COG5: variants seen among roughly 807,000 people sequenced by gnomAD.
COG5 encodes component of oligomeric golgi complex 5.
A neutral mutation model predicts 110.4 loss-of-function variants in COG5; 86 were observed. The ratio of observed to expected loss-of-function variants is 0.78; its 90% CI spans 0.65 to 0.93. The LOEUF is 0.93. Among genes scored for constraint, COG5 ranks in the 40% least tolerant of loss-of-function variants. The probability of loss-of-function intolerance (pLI) is 0.00; values close to 1 mark genes in which losing one functional copy is unlikely to be tolerated. For synonymous variants in COG5, 360 were observed against 334.6 expected, an observed-to-expected ratio of 1.08 and a Z score of -0.83; for missense variants, 1,077 against 987.0, an observed-to-expected ratio of 1.09 and a Z score of -1.22.
At chr7:107,248,315 C>T in intron 17 of COG5, 81 bp downstream of exon 17, 1 of 895,260 alleles carries the variant, frequency 1.1e-6, no homozygotes, top group Non-Finnish European at 1.9e-6. Flanking sequence ...GGCAGGGGGG[C>T]AGCTTAGGGA....
intron 8 of COG5, among the ~76,000 whole-genome samples, chr7:107,364,093 T>C (rs1008612860): frequency 3.3e-5 from 5 of 152,210 alleles, no homozygotes; most frequent in African/African-American, 1.2e-4. Context: ...AATGAAGTGA[T>C]CTAATTTAGC....
At chr7:107,471,208 T>C (rs951044036) in intron 6 of COG5, among the ~76,000 whole-genome samples, 1 of 152,084 alleles carries the variant, frequency 6.6e-6, no homozygotes. Context: ...AAAAGACTTA[T>C]TTAAAGAAAC....
At chr7:107,295,106 T>A (rs1450150256) in intron 12 of COG5, among the ~76,000 whole-genome samples, 222 of 74,316 alleles carry the variant, frequency 3.0e-3, no homozygotes, top group Middle Eastern at 7.7e-3. Flanking sequence ...TATATATTTT[T>A]TTTTTTTTTT....
Position 107,283,441 on chromosome 7 carries a change from A to C in COG5, c.1475+130T>G, listed in dbSNP as rs1049463949. On this transcript the variant is annotated intron_variant, in intron 13 of 21. Transcript: ENST00000297135. ...CTATGTGTGCACTCATTTACTATAAAATTCTTAATTTAATTGTGGGCCTAA... is the reference window on the plus strand; with the variant it reads ...CTATGTGTGCACTCATTTACTATAACATTCTTAATTTAATTGTGGGCCTAA... 2.5e-5 allele frequency: 19 copies of C among 756,534 alleles called. No individual in the cohort carries two copies. The African/African-American group carries it at 3.4e-4, about 13-fold the overall frequency. 46.9% of individuals were successfully genotyped at this position (756,534 alleles called of 1,614,324 possible).
At chr7:107,501,319 A>G (rs1798616751) in intron 6 of COG5, among the ~76,000 whole-genome samples, 1 of 152,110 alleles carries the variant, frequency 6.6e-6, no homozygotes, top group Middle Eastern at 3.2e-3. Context: ...GAACCAAGAA[A>G]TAAAAAACTT....
At chr7:107,301,852 T>A (rs1266457291) in intron 11 of COG5, among the ~76,000 whole-genome samples, 1 of 151,868 alleles carries the variant, frequency 6.6e-6, no homozygotes, top group Non-Finnish European at 1.5e-5. Context: ...CTGGGCAACA[T>A]AGTGAGACTC....
chr7:107,295,064 C>CATATATATAT (rs1806588618), intron 12 of COG5, among the ~76,000 whole-genome samples: 2 of 54,384 alleles, frequency 3.7e-5, no homozygotes, highest in African/African-American at 2.6e-4. Flanking sequence ...CACACACACA[C>CATATATATAT]ACATATATAT....
intron 21 of COG5, chr7:107,207,932 C>G: frequency 1.0e-6 from 1 of 985,380 alleles, no homozygotes; most frequent in East Asian, 1.1e-4. Context: ...ACATATTATG[C>G]TGGGAGGAAC....
At chr7:107,492,547 TGG>T (rs113154791) in intron 6 of COG5, among the ~76,000 whole-genome samples, 4 of 152,148 alleles carry the variant, frequency 2.6e-5, no homozygotes, top group African/African-American at 9.7e-5. Flanking sequence ...CTTATGGTTG[TGG>T]AACTGAGGAC....
At chr7:107,464,356 A>G (rs919835266) in intron 6 of COG5, among the ~76,000 whole-genome samples, 1 of 151,942 alleles carries the variant, frequency 6.6e-6, no homozygotes, top group African/African-American at 2.4e-5. Context: ...TATAATAATA[A>G]TTTTTCCTCC....
intron 1 of COG5, chr7:107,563,544 T>TTGG (rs1491330616): frequency 3.1e-5 from 8 of 256,394 alleles, no homozygotes; most frequent in East Asian, 7.3e-5. Context: ...GCTGGAGGCA[T>TTGG]GGGGGGGGGG....
intron 6 of COG5, among the ~76,000 whole-genome samples, chr7:107,424,295 A>G (rs1386940327): frequency 1.3e-5 from 2 of 152,002 alleles, no homozygotes; most frequent in Non-Finnish European, 1.5e-5. Flanking sequence ...AAATAAATAA[A>G]AAATGTAGGT....
chr7:107,352,731 C>T (rs967183605), intron 10 of COG5, among the ~76,000 whole-genome samples: 2 of 142,486 alleles, frequency 1.4e-5, no homozygotes, highest in Non-Finnish European at 1.6e-5. Context: ...TTCATAGTTA[C>T]GATTCTCATT....
At chr7:107,315,760 A>G (rs1324803049) in intron 11 of COG5, among the ~76,000 whole-genome samples, 1 of 152,204 alleles carries the variant, frequency 6.6e-6, no homozygotes, top group Non-Finnish European at 1.5e-5. Context: ...GAAGTACTAC[A>G]GTACACTTCA....
At chr7:107,207,477 G>T (rs1190194750) in intron 21 of COG5, among the ~76,000 whole-genome samples, 1 of 152,182 alleles carries the variant, frequency 6.6e-6, no homozygotes, top group East Asian at 1.9e-4. Context: ...GTGAACATTT[G>T]TGTACTCCTA....
rs982596933 is a variant in COG5, at chr7:107,216,756, T to C, written c.2169-5531A>G. On this transcript the variant is annotated intron_variant, in intron 19 of 21. Transcript: ENST00000297135. Reference sequence around the variant, plus strand: ...GTATGGGATACAGCAAAAGCAGTTCTAAGAAGGAAATTTATAGCAACAAAT... The same window carrying C: ...GTATGGGATACAGCAAAAGCAGTTCCAAGAAGGAAATTTATAGCAACAAAT... Among the ~76,000 whole-genome samples the C allele has an allele frequency of 2.0e-5, 3 of 152,178 alleles. No homozygotes were observed. The East Asian group carries it at 5.8e-4, about 29-fold the overall frequency.
intron 5 of COG5, among the ~76,000 whole-genome samples, chr7:107,531,619 T>C (rs2129160676): frequency 6.7e-6 from 1 of 149,734 alleles, no homozygotes; most frequent in Admixed American, 6.7e-5. Flanking sequence ...TCACCAATAA[T>C]GAAAAATTAG....
intron 19 of COG5, among the ~76,000 whole-genome samples, chr7:107,216,267 T>C (rs1799522944): frequency 6.6e-6 from 1 of 152,338 alleles, no homozygotes; most frequent in African/African-American, 2.4e-5. Flanking sequence ...TATTAAATAA[T>C]TTAAAGACAG....
chr7:107,315,766 C>T (rs1808669375), intron 11 of COG5, among the ~76,000 whole-genome samples: 1 of 152,044 alleles, frequency 6.6e-6, no homozygotes, highest in Non-Finnish European at 1.5e-5. Context: ...CTACAGTACA[C>T]TTCAGGGACT....
Sources: gnomAD v4.1 joint callset for allele counts (sites outside exome capture counted in the v4.1 genomes callset) on GRCh38, gnomAD v4.1.1 for gene constraint, MANE v1.5 for transcripts, NCBI Gene and HGNC (gene_info 2026-07-23, HGNC 2026-07-21) for gene names.